Variants in EGFLAM observed in about 807,000 individuals in gnomAD.
EGFLAM encodes EGF like, fibronectin type III and laminin G domains.
EGFLAM carries 79 observed loss-of-function variants against 113.1 expected under a neutral mutation model. The ratio of observed to expected loss-of-function variants is 0.70; its 90% confidence interval spans 0.58 to 0.84. EGFLAM has a LOEUF of 0.84. EGFLAM is among the 40% of genes least tolerant of loss of function. The probability of loss-of-function intolerance (pLI) is 0.00; values close to 1 mark genes in which losing one functional copy is unlikely to be tolerated. For missense variants in EGFLAM, 1,265 were observed against 1,291.6 expected, an observed-to-expected ratio of 0.98 and a Z score of 0.32; for synonymous variants, 504 against 487.6, an observed-to-expected ratio of 1.03 and a Z score of -0.44.
chr5:38,345,448 CT>C (rs1474315877), intron 3 of EGFLAM: 1 of 152,212 alleles, frequency 6.6e-6, no homozygotes, highest in Non-Finnish European at 1.5e-5. Context: ...TTGATTTTCT[CT>C]TCTATAGATG....
intron 1 of EGFLAM, among the ~76,000 whole-genome samples, chr5:38,298,296 G>A (rs1758495444): frequency 6.8e-6 from 1 of 147,440 alleles, no homozygotes; most frequent in Non-Finnish European, 1.5e-5. Flanking sequence ...CAATGTCAGA[G>A]TCATCATTAG....
chr5:38,296,996 C>G (rs977410115), intron 1 of EGFLAM, among the ~76,000 whole-genome samples: 2 of 151,746 alleles, frequency 1.3e-5, no homozygotes, highest in Admixed American at 6.6e-5. Flanking sequence ...CAGTACTCTT[C>G]AAAAAACAAA....
chr5:38,312,866 T>G (rs1738492139), intron 1 of EGFLAM, among the ~76,000 whole-genome samples: 1 of 152,108 alleles, frequency 6.6e-6, no homozygotes, highest in Admixed American at 6.5e-5. Context: ...GGTGGGTGGA[T>G]CACCTGAGGT....
At chr5:38,333,136 T>C (rs977417165) in intron 1 of EGFLAM, among the ~76,000 whole-genome samples, 1 of 152,218 alleles carries the variant, frequency 6.6e-6, no homozygotes, top group South Asian at 2.1e-4. Context: ...ATGATCTCTT[T>C]CTTTCTATGG....
intron 3 of EGFLAM, among the ~76,000 whole-genome samples, chr5:38,349,775 A>ACACACACACACACG (rs1561288326): frequency 4.4e-5 from 1 of 22,968 alleles, no homozygotes. Context: ...GTACACACGC[A>ACACACACACACACG]CACACACACA....
At chr5:38,348,480 G>A (rs56349652) in intron 3 of EGFLAM, among the ~76,000 whole-genome samples, 11,485 of 152,182 alleles carry the variant, frequency 0.075, 1,433 homozygotes, top group African/African-American at 0.26. Flanking sequence ...ACGGAGCCAA[G>A]AGATTGAAGA....
In EGFLAM at chr5:38,427,105, A is replaced by G. The variant is rs750206898; in HGVS notation, c.1907A>G (p.Glu636Gly). 1 of 1,614,000 alleles carries G rather than the reference A, an allele frequency of 6.2e-7. No homozygotes were observed. Among genetic ancestry groups the G allele is most frequent in the East Asian group, 2.2e-5 (1 of 44,866 alleles). ...CCCCAGCATTACCTTTCCTTCATGG[A>G]ATTTGAGATCACATTTCGGCCAGAC... The part of the protein sequence containing the change: ...LEPQHYLSFM[E>G]FEITFRPDSG... Residue 636 changes from glutamate to glycine, a missense_variant, in exon 14 of 22, where the codon GAA (glutamate) becomes GGA (glycine). Glu to Gly is a moderately conservative substitution (Grantham distance 98). Transcript: ENST00000322350.
At chr5:38,297,714 T>C (rs7735598) in intron 1 of EGFLAM, among the ~76,000 whole-genome samples, 26,816 of 151,980 alleles carry the variant, frequency 0.18, 2,530 homozygotes, top group Middle Eastern at 0.21. Context: ...CTAGCAAGAG[T>C]CATTCTTTAG....
Position 38,460,205 on chromosome 5 carries a change from C to G in EGFLAM, c.2771+1811C>G, listed in dbSNP as rs538159939. ...AACATCAGGGAACAACACCCTTCTC[C>G]CAGTTTCCTTGGGTGGAGATCATTG... is the stretch of plus-strand genomic sequence containing the variant. On this transcript the variant is annotated intron_variant, in intron 20 of 21. Coordinates refer to ENST00000322350, the MANE Select transcript of EGFLAM (RefSeq NM_152403.4). 3.3e-5 allele frequency among the ~76,000 whole-genome samples: 5 copies of G among 152,362 alleles called. No individual in the cohort carries two copies. The East Asian group carries it at 9.7e-4, about 29-fold the overall frequency.
intron 1 of EGFLAM, among the ~76,000 whole-genome samples, chr5:38,329,102 T>C (rs1225734287): frequency 6.6e-6 from 1 of 151,874 alleles, no homozygotes; most frequent in Non-Finnish European, 1.5e-5. Context: ...CTGGGTAACA[T>C]AGTGAGACCC....
At chr5:38,388,999 A>G (rs1448631898) in intron 6 of EGFLAM, among the ~76,000 whole-genome samples, 1 of 152,072 alleles carries the variant, frequency 6.6e-6, no homozygotes, top group Non-Finnish European at 1.5e-5. Context: ...AGAAGAAATT[A>G]CCAAATGAAT....
chr5:38,411,202 G>A (rs2112141076), intron 10 of EGFLAM, among the ~76,000 whole-genome samples: 1 of 152,244 alleles, frequency 6.6e-6, no homozygotes, highest in South Asian at 2.1e-4. Context: ...GGCCAAGGTG[G>A]GCGGATCACG....
intron 3 of EGFLAM, among the ~76,000 whole-genome samples, chr5:38,340,815 CTG>C (rs1171876090): frequency 3.9e-5 from 5 of 126,646 alleles, no homozygotes; most frequent in Admixed American, 2.2e-4. Context: ...CTCTCAATCT[CTG>C]TGTGTGTGTG....
chr5:38,306,568 C>A (rs1758722290), intron 1 of EGFLAM, among the ~76,000 whole-genome samples: 1 of 152,170 alleles, frequency 6.6e-6, no homozygotes, highest in African/African-American at 2.4e-5. Context: ...GTTCTTTTTG[C>A]TTTCATGTAA....
At chr5:38,307,243 C>T (rs537500233) in intron 1 of EGFLAM, among the ~76,000 whole-genome samples, 2 of 152,260 alleles carry the variant, frequency 1.3e-5, no homozygotes, top group South Asian at 4.1e-4. Flanking sequence ...TCTGTTGCAC[C>T]TGGTATCTTG....
intron 6 of EGFLAM, among the ~76,000 whole-genome samples, chr5:38,390,426 T>G (rs910011293): frequency 1.3e-5 from 2 of 152,160 alleles, no homozygotes; most frequent in Admixed American, 6.5e-5. Context: ...TTGCTTCAAA[T>G]TTTTTTCATT....
At chr5:38,372,523 C>T (rs750725871) in intron 6 of EGFLAM, among the ~76,000 whole-genome samples, 4 of 152,158 alleles carry the variant, frequency 2.6e-5, no homozygotes, top group Non-Finnish European at 4.4e-5. Context: ...ATAATTTCCC[C>T]ATTGCTGGAT....
chr5:38,390,786 G>T (rs1467889984), intron 6 of EGFLAM, among the ~76,000 whole-genome samples: 1 of 152,038 alleles, frequency 6.6e-6, no homozygotes, highest in African/African-American at 2.4e-5. Flanking sequence ...CCTATGAATG[G>T]ACTGTTTATA....
intron 3 of EGFLAM, 40 bp downstream of exon 3, chr5:38,338,821 G>A (rs373381663): frequency 2.9e-5 from 45 of 1,576,010 alleles, no homozygotes; most frequent in Middle Eastern, 1.7e-4. Flanking sequence ...AAAAGCATGT[G>A]GGCACTATTC....
Sources: gnomAD v4.1 joint callset for allele counts (sites outside exome capture counted in the v4.1 genomes callset) on GRCh38, gnomAD v4.1.1 for gene constraint, MANE v1.5 for transcripts, NCBI Gene and HGNC (gene_info 2026-07-23, HGNC 2026-07-21) for gene names.